UGGT2: variants seen among roughly 807,000 people sequenced by gnomAD.
UGGT2 encodes UDP-glucose:glycoprotein glucosyltransferase 2.
Under a neutral mutation model 192.1 loss-of-function variants are expected in UGGT2, and 180 were observed. That is an observed-to-expected ratio of 0.94 (90% CI 0.83 to 1.06). The LOEUF (loss-of-function observed/expected upper bound fraction) is 1.06, where lower values mean the gene tolerates loss of function less well. Ranked by LOEUF, UGGT2 falls within the 50% of genes least tolerant of loss-of-function variation. The pLI is 0.00. For missense variants in UGGT2, 1,849 were observed against 1,795.7 expected (o/e 1.03, Z -0.54); for synonymous variants, 580 against 591.0 (o/e 0.98, Z 0.27).
intron 15 of UGGT2, among the ~76,000 whole-genome samples, chr13:95,942,231 T>G (rs1039858392): frequency 4.5e-4 from 20 of 44,568 alleles, no homozygotes; most frequent in Non-Finnish European, 8.3e-4. Context: ...GGTGTGTGTG[T>G]GTGTGTGTGT....
chr13:95,823,143 C>G (rs1305447027), intron 38 of UGGT2, among the ~76,000 whole-genome samples: 1 of 152,026 alleles, frequency 6.6e-6, no homozygotes, highest in Non-Finnish European at 1.5e-5. Context: ...CCACTGTTGT[C>G]TGAGAAGATA....
intron 20 of UGGT2, among the ~76,000 whole-genome samples, chr13:95,906,083 T>C (rs1219865181): frequency 6.6e-6 from 1 of 152,180 alleles, no homozygotes; most frequent in East Asian, 1.9e-4. Context: ...GATCTTGATA[T>C]CCAGTAAAGC....
intron 7 of UGGT2, 122 bp downstream of exon 7, chr13:95,995,941 T>A (rs1006774010): frequency 2.5e-6 from 2 of 792,592 alleles, no homozygotes; most frequent in Non-Finnish European, 2.1e-6. Flanking sequence ...CAATCGTATG[T>A]GTGTGTGTTT....
At chr13:95,911,008 A>C (rs1047380620) in intron 20 of UGGT2, among the ~76,000 whole-genome samples, 4 of 152,238 alleles carry the variant, frequency 2.6e-5, no homozygotes, top group African/African-American at 9.6e-5. Flanking sequence ...TAACGAATGA[A>C]GGCAGAAATA....
In UGGT2 at chr13:96,033,479, G is replaced by A. The variant is rs568097808; in HGVS notation, c.159-1508C>T. Among the ~76,000 whole-genome samples the A allele has an allele frequency of 3.3e-5, 5 of 152,184 alleles. No homozygotes were observed. The South Asian group carries it at 1.0e-3, about 32-fold the overall frequency. On this transcript the variant is annotated intron_variant, in intron 1 of 38. Coordinates refer to ENST00000376747, the MANE Select transcript of UGGT2 (RefSeq NM_020121.4). The stretch of plus-strand genomic sequence containing the variant: ...GGGCTGAAGGCAGGTAGGAGCCCAT[G>A]CCTCCTACTGAGTTGGCGGGGTGGG...
At chr13:95,816,695 C>T (rs530198603) in intron 38 of UGGT2, among the ~76,000 whole-genome samples, 2 of 152,324 alleles carry the variant, frequency 1.3e-5, no homozygotes, top group South Asian at 4.1e-4. Flanking sequence ...CAACAGAAAG[C>T]AGCTTAGTGA....
At chr13:95,981,860 C>T (rs548899744) in intron 10 of UGGT2, among the ~76,000 whole-genome samples, 29 of 152,278 alleles carry the variant, frequency 1.9e-4, no homozygotes, top group African/African-American at 6.3e-4. Flanking sequence ...TTACTTCTCC[C>T]ACATCTCATG....
At chr13:95,843,625 A>C (rs927200297) in intron 36 of UGGT2, among the ~76,000 whole-genome samples, 1 of 152,022 alleles carries the variant, frequency 6.6e-6, no homozygotes, top group Non-Finnish European at 1.5e-5. Flanking sequence ...ATGTGTTTGG[A>C]ATTAATTTTT....
intron 36 of UGGT2, among the ~76,000 whole-genome samples, chr13:95,844,495 AG>A (rs1166900792): frequency 6.6e-6 from 1 of 152,202 alleles, no homozygotes; most frequent in East Asian, 1.9e-4. Flanking sequence ...ATCTCTCAGC[AG>A]TTTTGTAGTT....
intron 4 of UGGT2, among the ~76,000 whole-genome samples, chr13:96,014,996 C>T (rs1044674921): frequency 3.3e-5 from 5 of 151,918 alleles, no homozygotes; most frequent in Non-Finnish European, 7.4e-5. Flanking sequence ...ACTAGAAAGG[C>T]GGCCAGGCGC....
chr13:95,841,324 T>C (rs1887835710), intron 36 of UGGT2, among the ~76,000 whole-genome samples: 1 of 152,178 alleles, frequency 6.6e-6, no homozygotes, highest in Non-Finnish European at 1.5e-5. Context: ...GTTATGGGAG[T>C]TCTTGAGAGC....
intron 9 of UGGT2, among the ~76,000 whole-genome samples, chr13:95,984,308 T>A (rs2051222722): frequency 6.6e-6 from 1 of 152,138 alleles, no homozygotes; most frequent in Non-Finnish European, 1.5e-5. Flanking sequence ...TCACTCACTC[T>A]TTCAATTTTT....
chr13:96,010,725 C>G (rs2052134724), intron 5 of UGGT2, among the ~76,000 whole-genome samples: 1 of 152,150 alleles, frequency 6.6e-6, no homozygotes, highest in Admixed American at 6.5e-5. Flanking sequence ...TCAATGTAAT[C>G]TCAATCAAAA....
At chr13:95,911,133 C>G (rs2048480525) in intron 20 of UGGT2, among the ~76,000 whole-genome samples, 1 of 152,092 alleles carries the variant, frequency 6.6e-6, no homozygotes, top group South Asian at 2.1e-4. Flanking sequence ...TAAGAGAAAG[C>G]AGGAAAGATC....
At chr13:95,999,376 C>T (rs2051726036) in intron 5 of UGGT2, 69 bp from the exon 6 acceptor site, 3 of 1,383,504 alleles carry the variant, frequency 2.2e-6, no homozygotes, top group South Asian at 1.2e-5. Flanking sequence ...AAAGTCAGTA[C>T]CACGATGTAT....
chr13:96,043,773 G>C (rs2053230208), intron 1 of UGGT2, among the ~76,000 whole-genome samples: 2 of 151,696 alleles, frequency 1.3e-5, no homozygotes, highest in South Asian at 4.2e-4. Context: ...AGACAAAGAG[G>C]GACATTATAT....
At chr13:95,929,688 C>T (rs1321448214) in intron 17 of UGGT2, among the ~76,000 whole-genome samples, 2 of 152,190 alleles carry the variant, frequency 1.3e-5, no homozygotes, top group East Asian at 3.8e-4. Flanking sequence ...AACCAATCCA[C>T]CACTGATGGA....
chr13:95,986,201 C>T (rs2051284923), intron 9 of UGGT2, 132 bp downstream of exon 9: 1 of 600,274 alleles, frequency 1.7e-6, no homozygotes, highest in African/African-American at 1.9e-5. Flanking sequence ...ATTGAAAAGG[C>T]CCTGATTTCA....
At chr13:95,949,583 A>C (rs1353169754) in intron 12 of UGGT2, 129 bp from the exon 13 acceptor site, 3 of 924,886 alleles carry the variant, frequency 3.2e-6, no homozygotes, top group Non-Finnish European at 2.9e-6. Flanking sequence ...TAAATAGAGG[A>C]GCTAGTTTAA....
Sources: allele counts gnomAD v4.1 joint callset (sites outside exome capture counted in the v4.1 genomes callset), GRCh38; gene constraint gnomAD v4.1.1; transcripts MANE v1.5; gene names NCBI Gene and HGNC (gene_info 2026-07-23, HGNC 2026-07-21).